Variants in MARCHF4 observed in about 807,000 individuals in gnomAD.
MARCHF4 encodes the protein E3 ubiquitin-protein ligase MARCHF4.
MARCHF4 carries 14 observed loss-of-function variants against 43.9 expected under a neutral mutation model. The ratio of observed to expected loss-of-function variants is 0.32; its 90% confidence interval spans 0.21 to 0.50. The LOEUF (loss-of-function observed/expected upper bound fraction) is 0.50, where lower values mean the gene tolerates loss of function less well. MARCHF4 is among the 20% of genes least tolerant of loss of function. The pLI is 0.98. For missense variants in MARCHF4, 468 were observed against 536.7 expected, an observed-to-expected ratio of 0.87 and a Z score of 1.27; for synonymous variants, 226 against 213.3, an observed-to-expected ratio of 1.06 and a Z score of -0.52.
chr2:216,314,296 T>C (rs897736277), intron 1 of MARCHF4, among the ~76,000 whole-genome samples: 1 of 152,026 alleles, frequency 6.6e-6, no homozygotes, highest in Non-Finnish European at 1.5e-5. Flanking sequence ...GGGGTGCATA[T>C]ATTAAATAAG....
rs538421888 is a variant in MARCHF4, at chr2:216,292,741, G to A, written c.517-9012C>T. On this transcript the variant is annotated intron_variant, in intron 1 of 3. Coordinates refer to ENST00000273067, the MANE Select transcript of MARCHF4 (RefSeq NM_020814.3). ...TCCGGGTTGGTGGAAAGGGTTCGGC[G>A]GGGGAGGAGACAAAAGAGGATCACC... 3.0e-4 allele frequency among the ~76,000 whole-genome samples: 45 copies of A among 152,224 alleles called. No individual in the cohort carries two copies. In the East Asian group the frequency reaches 4.3e-3, roughly 14 times the overall value.
intron 1 of MARCHF4, among the ~76,000 whole-genome samples, chr2:216,343,542 CACAA>C (rs1322111669): frequency 1.3e-5 from 2 of 152,126 alleles, no homozygotes; most frequent in African/African-American, 2.4e-5. Flanking sequence ...GGGGGCGGTG[CACAA>C]ACATTTAGTC....
chr2:216,334,949 T>C (rs1692136593), intron 1 of MARCHF4, among the ~76,000 whole-genome samples: 1 of 152,224 alleles, frequency 6.6e-6, no homozygotes, highest in Admixed American at 6.5e-5. Flanking sequence ...TGAGGGATGA[T>C]GTAGGAAGGG....
intron 1 of MARCHF4, among the ~76,000 whole-genome samples, chr2:216,294,737 G>A (rs2105946486): frequency 6.6e-6 from 1 of 152,306 alleles, no homozygotes; most frequent in Non-Finnish European, 1.5e-5. Context: ...GGTTGGCTGA[G>A]ACTCATTTTG....
intron 1 of MARCHF4, among the ~76,000 whole-genome samples, chr2:216,366,964 A>G (rs955935698): frequency 1.4e-4 from 22 of 152,208 alleles, no homozygotes; most frequent in African/African-American, 5.3e-4. Context: ...CAATGAATGG[A>G]TGCAAAGTCC....
chr2:216,369,591 C>A (rs1692719919), intron 1 of MARCHF4, among the ~76,000 whole-genome samples, 154 bp downstream of exon 1: 1 of 152,168 alleles, frequency 6.6e-6, no homozygotes, highest in African/African-American at 2.4e-5. Context: ...ACTCATTGGG[C>A]AAACTTAACC....
intron 1 of MARCHF4, among the ~76,000 whole-genome samples, chr2:216,292,048 A>G (rs1455048444): frequency 6.6e-6 from 1 of 152,124 alleles, no homozygotes; most frequent in Non-Finnish European, 1.5e-5. Context: ...CTCCCCTGTT[A>G]TCATATTAAC....
chr2:216,370,187 C>T lies in MARCHF4; in HGVS notation c.74G>A (p.Cys25Tyr), dbSNP rs377638916. 19 of 1,612,782 alleles carry T rather than the reference C, an allele frequency of 1.2e-5. No homozygotes were observed. Among genetic ancestry groups the T allele is most frequent in the Non-Finnish European group, 1.4e-5 (17 of 1,179,704 alleles). The change falls in exon 1 of 4, where the codon TGT becomes TAT. Residue 25 changes from cysteine to tyrosine, a missense_variant. This residue lies in a region of MARCHF4 where 190 missense variants were observed against 158.5 expected (regional missense o/e 1.20). Coordinates refer to ENST00000273067, the MANE Select transcript of MARCHF4 (RefSeq NM_020814.3). The part of the protein sequence containing the change: ...CCSGWYCYGL[C>Y]APAPQMLRHQ... Reference sequence around the variant, plus strand: ...GCGCAACATCTGGGGGGCTGGGGCACACAATCCATAGCAGTACCAGCCGGA... The same window carrying T: ...GCGCAACATCTGGGGGGCTGGGGCATACAATCCATAGCAGTACCAGCCGGA...
chr2:216,297,153 C>G (rs572654537), intron 1 of MARCHF4, among the ~76,000 whole-genome samples: 9 of 152,310 alleles, frequency 5.9e-5, no homozygotes, highest in African/African-American at 2.2e-4. Flanking sequence ...CTAAGCTGCT[C>G]CAAGTGGCTG....
chr2:216,310,794 A>T (rs996687460), intron 1 of MARCHF4, among the ~76,000 whole-genome samples: 1 of 152,150 alleles, frequency 6.6e-6, no homozygotes, highest in African/African-American at 2.4e-5. Flanking sequence ...TTTTGGGGGC[A>T]TGTGGCATTC....
At chr2:216,276,829 G>C (rs1254218944) in intron 3 of MARCHF4, among the ~76,000 whole-genome samples, 1 of 152,106 alleles carries the variant, frequency 6.6e-6, no homozygotes, top group Non-Finnish European at 1.5e-5. Flanking sequence ...TATCTTCAGA[G>C]TCAACAGCCA....
Position 216,266,912 on chromosome 2 carries a change from C to CTATT in MARCHF4, c.866-7237_866-7234dup, listed in dbSNP as rs1298607455. Among the ~76,000 whole-genome samples the CTATT allele has an allele frequency of 5.3e-5, 8 of 152,172 alleles. 1 individual carries two copies. On this transcript the variant is annotated intron_variant, in intron 3 of 3. Coordinates refer to ENST00000273067, the MANE Select transcript of MARCHF4 (RefSeq NM_020814.3). ...ATGGCCAGGCTACACGTCACATGAG[C>CTATT]TATTATAAAATTACAAAGCTTATTA...
At chr2:216,316,898 C>G (rs1454891925) in intron 1 of MARCHF4, among the ~76,000 whole-genome samples, 4 of 152,102 alleles carry the variant, frequency 2.6e-5, no homozygotes, top group African/African-American at 4.8e-5. Context: ...TCAGAGGACT[C>G]CAAGGGGGAA....
intron 1 of MARCHF4, among the ~76,000 whole-genome samples, chr2:216,306,275 C>T (rs1488491261): frequency 6.6e-6 from 1 of 151,976 alleles, no homozygotes; most frequent in East Asian, 1.9e-4. Context: ...AAATTGTTTC[C>T]ATTTTTTCCC....
rs140475545 is a variant in MARCHF4 at position 216,321,936 on chromosome 2, C to T, written c.517-38207G>A. Among the ~76,000 whole-genome samples, 600 of 152,306 alleles carry T rather than the reference C, an allele frequency of 3.9e-3. 18 individuals carry two copies. Among genetic ancestry groups the T allele is most frequent in the Admixed American group, 0.034 (520 of 15,290 alleles). ...CTATTGCAGTGACTAGCTTCTCCAA[C>T]CCAAACCAGCTACTCTTCTCCAATG... On this transcript the variant is annotated intron_variant, in intron 1 of 3. Transcript: ENST00000273067.
Position 216,293,000 on chromosome 2 carries a change from G to A in MARCHF4, c.517-9271C>T, listed in dbSNP as rs73988362. Among the ~76,000 whole-genome samples, 819 of 152,320 alleles carry A rather than the reference G, an allele frequency of 5.4e-3. 6 individuals are homozygous for A. The highest frequency in any genetic ancestry group is 0.019 in the African/African-American group (779 of 41,558). On this transcript the variant is annotated intron_variant, in intron 1 of 3. Coordinates refer to ENST00000273067, the MANE Select transcript of MARCHF4 (RefSeq NM_020814.3). ...TCCTGCTGCCCTAGAGAATGATTAA[G>A]TGAGTTAAGTGAGTTTCCCCCTTAT...
At chr2:216,275,289 G>C (rs1161298885) in intron 3 of MARCHF4, among the ~76,000 whole-genome samples, 1 of 152,172 alleles carries the variant, frequency 6.6e-6, no homozygotes, top group Non-Finnish European at 1.5e-5. Flanking sequence ...CCTACTCAGA[G>C]AGAAACACCA....
Position 216,263,506 on chromosome 2 carries a change from AGAGAG to A in MARCHF4, c.866-3832_866-3828del, listed in dbSNP as rs1559280514. 8.1e-4 allele frequency among the ~76,000 whole-genome samples: 116 copies of A among 142,816 alleles called. 1 individual carries two copies. Among genetic ancestry groups the A allele is most frequent in the Non-Finnish European group, 1.5e-3 (101 of 65,362 alleles). The allele number at this position is 142,816 out of a possible 152,430, so 93.7% of individuals were successfully genotyped here. ...GAAGGAGAGAGAAAGAGAGAGAGAG[AGAGAG>A]AGAGAGAGAGAGAGAGAGAGAGAGA... On this transcript the variant is annotated intron_variant, in intron 3 of 3. Coordinates refer to ENST00000273067, the MANE Select transcript of MARCHF4 (RefSeq NM_020814.3).
chr2:216,265,116 G>C (rs1169160895), intron 3 of MARCHF4, among the ~76,000 whole-genome samples: 1 of 152,186 alleles, frequency 6.6e-6, no homozygotes, highest in African/African-American at 2.4e-5. Context: ...TAGAGAAATA[G>C]ACTGGATTCG....
Sources: allele counts gnomAD v4.1 joint callset (sites outside exome capture counted in the v4.1 genomes callset), GRCh38; gene constraint gnomAD v4.1.1; regional missense constraint gnomAD v4.1.1; transcripts MANE v1.5; gene names NCBI Gene and HGNC (gene_info 2026-07-23, HGNC 2026-07-21).